Variants in TNKS observed in about 807,000 individuals in gnomAD.
TNKS encodes the protein poly [ADP-ribose] polymerase tankyrase-1.
TNKS carries 72 observed loss-of-function variants against 135.8 expected under a neutral mutation model. The ratio of observed to expected loss-of-function variants is 0.53; its 90% CI spans 0.44 to 0.64. The LOEUF (loss-of-function observed/expected upper bound fraction) is 0.64, where lower values mean the gene tolerates loss of function less well. TNKS is among the 30% of genes least tolerant of loss of function. The pLI is 0.00. For synonymous variants in TNKS, 849 were observed against 649.3 expected (o/e 1.31, Z -4.68); for missense variants, 1,769 against 1,674.0 (o/e 1.06, Z -0.99).
intron 2 of TNKS, among the ~76,000 whole-genome samples, chr8:9,608,408 G>T (rs1219621396): frequency 6.6e-6 from 1 of 152,112 alleles, no homozygotes; most frequent in Non-Finnish European, 1.5e-5. Flanking sequence ...TGATGCTAAG[G>T]TGCGTCAGGT....
chr8:9,753,893 G>A (rs1230081177), intron 20 of TNKS, among the ~76,000 whole-genome samples: 3 of 152,196 alleles, frequency 2.0e-5, no homozygotes, highest in African/African-American at 7.2e-5. Context: ...GTCTACATAT[G>A]TATTCAGTTT....
chr8:9,758,109 C>G (rs751003237), intron 20 of TNKS, among the ~76,000 whole-genome samples: 11 of 152,122 alleles, frequency 7.2e-5, no homozygotes, highest in South Asian at 2.1e-4. Context: ...TACCAGTGAC[C>G]TCATAAATAC....
At chr8:9,765,611 C>G in intron 23 of TNKS, 81 bp from the exon 24 acceptor site, 1 of 1,236,706 alleles carries the variant, frequency 8.1e-7, no homozygotes. Flanking sequence ...TTGAACCTTC[C>G]TAAAAGGAAA....
intron 25 of TNKS, among the ~76,000 whole-genome samples, chr8:9,769,771 CACCACACCCGGCT>C (rs1240186186): frequency 6.6e-6 from 1 of 152,002 alleles, no homozygotes; most frequent in Non-Finnish European, 1.5e-5. Context: ...AGGCGCCCGC[CACCACACCCGGCT>C]AACTTTTTGT....
chr8:9,704,643 G>T lies in TNKS; in HGVS notation c.1108-20G>T, dbSNP rs1563179022. 3.2e-6 allele frequency: 5 copies of T among 1,586,008 alleles called. No homozygotes were observed. The highest frequency in any genetic ancestry group is 3.4e-5 in the Admixed American group (2 of 58,624). ...TGTTTGTTTGTTTTTACCTGAAAAGGGGATGTTTTTCTTTTCTAGTCGACT... is the reference window on the plus strand; with the variant it reads ...TGTTTGTTTGTTTTTACCTGAAAAGTGGATGTTTTTCTTTTCTAGTCGACT... On this transcript the variant is annotated intron_variant, in intron 5 of 26. Coordinates refer to ENST00000310430, the MANE Select transcript of TNKS (RefSeq NM_003747.3).
chr8:9,728,064 C>T (rs1293671312), intron 13 of TNKS, among the ~76,000 whole-genome samples: 1 of 152,120 alleles, frequency 6.6e-6, no homozygotes, highest in African/African-American at 2.4e-5. Context: ...TTAATACATA[C>T]TTTATTTTTA....
chr8:9,615,807 C>G (rs1799624640), intron 3 of TNKS, 130 bp downstream of exon 3: 2 of 645,800 alleles, frequency 3.1e-6, no homozygotes, highest in Non-Finnish European at 5.3e-6. Flanking sequence ...TTATCTACTA[C>G]TTTATTATTG....
chr8:9,666,320 C>T (rs1801986661), intron 3 of TNKS, among the ~76,000 whole-genome samples: 1 of 152,108 alleles, frequency 6.6e-6, no homozygotes, highest in Non-Finnish European at 1.5e-5. Context: ...ACATAGGAAG[C>T]TTATATTTCT....
intron 14 of TNKS, among the ~76,000 whole-genome samples, chr8:9,731,496 A>G (rs1164082190): frequency 2.0e-5 from 3 of 149,906 alleles, no homozygotes; most frequent in Admixed American, 6.7e-5. Context: ...ATAGAAATGT[A>G]CAGTATAGAA....
At chr8:9,768,578 C>T (rs1807606686) in intron 25 of TNKS, among the ~76,000 whole-genome samples, 1 of 152,240 alleles carries the variant, frequency 6.6e-6, no homozygotes, top group Non-Finnish European at 1.5e-5. Context: ...TGCCCATCTG[C>T]AGCTGCAGCT....
At chr8:9,697,676 A>G (rs1803581883) in intron 5 of TNKS, among the ~76,000 whole-genome samples, 1 of 152,202 alleles carries the variant, frequency 6.6e-6, no homozygotes. Flanking sequence ...GCCAACAAAC[A>G]TGAAAAAATG....
chr8:9,556,599 G>C lies in TNKS; in HGVS notation c.660G>C (p.Leu220=). 1 of 1,613,594 alleles carries C rather than the reference G, an allele frequency of 6.2e-7. No individual in the cohort carries two copies. The highest frequency in any genetic ancestry group is 8.5e-7 in the Non-Finnish European group (1 of 1,180,042). The change falls in exon 1 of 27, where the codon CTG becomes CTC. Residue 220 remains leucine, a synonymous_variant. Transcript: ENST00000310430. ...TGGCCGGCCGGAAGTCTTCTCCCCT[G>C]CACTTCGCTGCAGGTCAGAGACTTT... ...KDMAGRKSSP[L]HFAAGFGRKD... is the part of the protein sequence containing the mutation.
intron 2 of TNKS, among the ~76,000 whole-genome samples, chr8:9,583,092 G>A (rs573754433): frequency 1.3e-5 from 2 of 151,126 alleles, no homozygotes; most frequent in East Asian, 2.0e-4. Flanking sequence ...GCATGAACCC[G>A]GGAGGCGGAG....
rs943162325 is a variant in TNKS, at chr8:9,620,685, C to A, written c.994+5008C>A. On this transcript the variant is annotated intron_variant, in intron 3 of 26. Coordinates refer to ENST00000310430, the MANE Select transcript of TNKS (RefSeq NM_003747.3). ...AAGCAGATGAAACCTTATTCTGTGT[C>A]TGGGCTAACATAAGCTATTTACTGA... Among the ~76,000 whole-genome samples, 3 of 152,174 alleles carry A rather than the reference C, an allele frequency of 2.0e-5. 1 individual carries two copies. Among genetic ancestry groups the A allele is most frequent in the Non-Finnish European group, 4.4e-5 (3 of 68,038 alleles).
chr8:9,593,577 A>T (rs1798666540), intron 2 of TNKS, among the ~76,000 whole-genome samples: 1 of 152,142 alleles, frequency 6.6e-6, no homozygotes, highest in Non-Finnish European at 1.5e-5. Context: ...CAAACCAAAA[A>T]ACTAACCTGT....
intron 11 of TNKS, among the ~76,000 whole-genome samples, chr8:9,713,165 A>G (rs935698393): frequency 6.6e-6 from 1 of 152,214 alleles, no homozygotes; most frequent in Non-Finnish European, 1.5e-5. Context: ...AGAGTTCTAC[A>G]GATGTATTAC....
chr8:9,639,360 G>C (rs946182359), intron 3 of TNKS, among the ~76,000 whole-genome samples: 1 of 151,992 alleles, frequency 6.6e-6, no homozygotes, highest in Non-Finnish European at 1.5e-5. Flanking sequence ...TTATTGCCAG[G>C]ATGTAAGAGT....
chr8:9,719,335 A>C (rs1393691857), intron 11 of TNKS, among the ~76,000 whole-genome samples: 1 of 152,158 alleles, frequency 6.6e-6, no homozygotes, highest in Non-Finnish European at 1.5e-5. Context: ...AAATATTTTC[A>C]ATAATCAACC....
chr8:9,748,242 G>C, intron 18 of TNKS, 30 bp downstream of exon 18: 1 of 1,436,236 alleles, frequency 7.0e-7, no homozygotes, highest in Non-Finnish European at 9.2e-7. Flanking sequence ...ACTGATTATT[G>C]TTCCTTCTAC....
Sources: allele counts gnomAD v4.1 joint callset (sites outside exome capture counted in the v4.1 genomes callset), GRCh38; gene constraint gnomAD v4.1.1; transcripts MANE v1.5; gene names NCBI Gene and HGNC (gene_info 2026-07-23, HGNC 2026-07-21).